The following VPS13D variants were observed in gnomAD, a reference collection of about 807,000 sequenced individuals.
VPS13D encodes intermembrane lipid transfer protein VPS13D.
In VPS13D, 187 loss-of-function variants were observed where a neutral mutation model predicts 461.9. The ratio of observed to expected loss-of-function variants is 0.40; its 90% CI spans 0.36 to 0.46. The LOEUF (loss-of-function observed/expected upper bound fraction) is 0.46, where lower values mean the gene tolerates loss of function less well. VPS13D is among the 20% of genes least tolerant of loss of function. The probability of loss-of-function intolerance (pLI) is 0.60; values close to 1 mark genes in which losing one functional copy is unlikely to be tolerated. For synonymous variants in VPS13D, 1,951 were observed against 1,986.3 expected (o/e 0.98, Z 0.47); for missense variants, 4,711 against 5,364.9 (o/e 0.88, Z 3.81).
intron 22 of VPS13D, 33 bp downstream of exon 22, chr1:12,288,346 G>A: frequency 6.3e-7 from 1 of 1,580,848 alleles, no homozygotes; most frequent in South Asian, 1.1e-5. Flanking sequence ...AAGCAAACTT[G>A]CAAAATCTGG....
Position 12,386,329 on chromosome 1 carries a change from G to A in VPS13D, c.11629G>A (p.Val3877Ile). ...SHMLELSIQD[V>I]QVDNQLIGTT... ...CATGCTTGAACTCAGCATACAGGAT[G>A]TACAGGTAAGGGGGAAGTTCCAAAG... Residue 3877 changes from valine (V) to isoleucine (I), a missense_variant, in exon 60 of 70, where the codon GTA (valine) becomes ATA (isoleucine). By Grantham distance (29) the Val-to-Ile change is conservative (BLOSUM62 3). Transcript: ENST00000620676. The A allele has an allele frequency of 3.1e-6, 5 of 1,603,732 alleles. No homozygotes were observed. The highest frequency in any genetic ancestry group is 3.4e-6 in the Non-Finnish European group (4 of 1,175,830).
Position 12,276,645 on chromosome 1 carries a change from G to A in VPS13D, c.3057G>A (p.Leu1019=), listed in dbSNP as rs771569156. Residue 1019 remains leucine, a synonymous_variant, in exon 19 of 70, where the codon TTG becomes TTA. Coordinates refer to ENST00000620676, the MANE Select transcript of VPS13D (RefSeq NM_015378.4). This position sits in a 1 kb window ranked among gnomAD's most constrained non-coding sequence, Gnocchi z 4.5. ...MQTYGADFDL[L]MASHKNLSFD... is the part of the protein sequence containing the mutation. ...CATATGGTGCTGATTTTGACCTTTT[G>A]ATGGCTTCACATAAGAACTTGAGCT... The A allele has an allele frequency of 8.1e-6, 13 of 1,614,044 alleles. No individual in the cohort carries two copies. In the East Asian group the frequency reaches 2.2e-4, roughly 28 times the overall value.
chr1:12,361,656 A>G (rs973313332), intron 50 of VPS13D, among the ~76,000 whole-genome samples: 22 of 151,966 alleles, frequency 1.4e-4, no homozygotes, highest in Non-Finnish European at 3.2e-4. Flanking sequence ...CGGCCTCCCA[A>G]AGTGCTGGGA....
At chr1:12,414,601 T>C (rs1644771855) in intron 63 of VPS13D, among the ~76,000 whole-genome samples, 1 of 152,082 alleles carries the variant, frequency 6.6e-6, no homozygotes, top group South Asian at 2.1e-4. Flanking sequence ...GTGGTTGTCT[T>C]TGGGGAGGAA....
At chr1:12,262,117 C>T in intron 13 of VPS13D, 37 bp downstream of exon 13, 1 of 1,581,050 alleles carries the variant, frequency 6.3e-7, no homozygotes, top group Non-Finnish European at 8.6e-7. Context: ...CCACTGTTGT[C>T]TCTCTGTGGG....
chr1:12,374,365 T>C (rs1644168495), intron 55 of VPS13D, among the ~76,000 whole-genome samples: 1 of 152,196 alleles, frequency 6.6e-6, no homozygotes, highest in Non-Finnish European at 1.5e-5. Flanking sequence ...GTTTGACATT[T>C]TAGGTTTTTG....
chr1:12,439,850 A>G (rs544869498), intron 65 of VPS13D, among the ~76,000 whole-genome samples: 5 of 152,358 alleles, frequency 3.3e-5, no homozygotes, highest in Admixed American at 1.3e-4. Context: ...CACGCAGCCA[A>G]TAAGTGAAAC....
chr1:12,382,336 A>G (rs1444526643), intron 57 of VPS13D, among the ~76,000 whole-genome samples: 1 of 152,152 alleles, frequency 6.6e-6, no homozygotes, highest in African/African-American at 2.4e-5. Context: ...TCCTGACCTC[A>G]GATGATTCGC....
At chr1:12,449,394 C>CT (rs747205619) in intron 65 of VPS13D, among the ~76,000 whole-genome samples, 1,651 of 144,088 alleles carry the variant, frequency 0.011, 30 homozygotes, top group African/African-American at 0.036. Context: ...TGTTCCGTGC[C>CT]TTTTTTTTTT....
chr1:12,488,863 A>T (rs1645839223), intron 67 of VPS13D, among the ~76,000 whole-genome samples: 1 of 152,178 alleles, frequency 6.6e-6, no homozygotes, highest in Non-Finnish European at 1.5e-5. Flanking sequence ...ATGGCTTGAG[A>T]GATTCCAATA....
At chr1:12,459,190 C>T (rs139828559) in intron 66 of VPS13D, among the ~76,000 whole-genome samples, 132 of 152,302 alleles carry the variant, frequency 8.7e-4, no homozygotes, top group African/African-American at 3.0e-3. Context: ...TCACGAAGTG[C>T]CAGAAAGCAA....
At chr1:12,230,684 CTT>C (rs1052243503) in intron 1 of VPS13D, among the ~76,000 whole-genome samples, 6 of 152,092 alleles carry the variant, frequency 3.9e-5, no homozygotes, top group Non-Finnish European at 7.4e-5. Flanking sequence ...TAAAACCTCT[CTT>C]TACCTTTTGC....
chr1:12,290,852 T>C, intron 22 of VPS13D, 146 bp from the exon 23 acceptor site: 1 of 624,116 alleles, frequency 1.6e-6, no homozygotes, highest in Non-Finnish European at 2.5e-6. Flanking sequence ...TTTTGGGGTA[T>C]ATTGGAATAT....
rs183510389 is a variant in VPS13D at position 12,398,071 on chromosome 1, T to C, written c.11635-2110T>C. 2.9e-3 allele frequency among the ~76,000 whole-genome samples: 442 copies of C among 152,328 alleles called. 2 individuals carry two copies. Among genetic ancestry groups the C allele is most frequent in the Non-Finnish European group, 4.6e-3 (316 of 68,026 alleles). ...CTGAATAGTGTAAAGGAAGGGTGTG[T>C]ATGACTCGATTTATAGTTTACTGAA... On this transcript the variant is annotated intron_variant, in intron 60 of 69. Transcript: ENST00000620676.
At chr1:12,262,119 C>CT (rs1255883202) in intron 13 of VPS13D, 39 bp downstream of exon 13, 5 of 1,572,948 alleles carry the variant, frequency 3.2e-6, no homozygotes, top group Admixed American at 1.8e-5. Flanking sequence ...ACTGTTGTCT[C>CT]TCTGTGGGCC....
intron 63 of VPS13D, among the ~76,000 whole-genome samples, 171 bp from the exon 64 acceptor site, chr1:12,414,916 C>T (rs956036841): frequency 3.3e-5 from 5 of 152,002 alleles, no homozygotes; most frequent in Admixed American, 2.6e-4. Context: ...TGTATTTTTC[C>T]CTAGTATTTT....
At chr1:12,481,077 CAGTT>C (rs1401021549) in intron 67 of VPS13D, among the ~76,000 whole-genome samples, 1 of 152,214 alleles carries the variant, frequency 6.6e-6, no homozygotes, top group African/African-American at 2.4e-5. Context: ...AACAAACCCT[CAGTT>C]GGAGGAAAGT....
At chr1:12,460,510 CA>C in intron 67 of VPS13D, 114 bp downstream of exon 67, 1 of 989,950 alleles carries the variant, frequency 1.0e-6, no homozygotes, top group Non-Finnish European at 1.3e-6. Context: ...GTTTTTAATT[CA>C]AATACTTGTA....
Position 12,268,782 on chromosome 1 carries a change from C to T in VPS13D, c.1878C>T (p.Leu626=), listed in dbSNP as rs1557675458. ...NPAHSHFERR[L]NVSTRPLNII... ...CGCACAGCCACTTTGAGAGGCGGCT[C>T]AATGTCAGCACAAGGCCCTTGAACA... Residue 626 remains leucine, a synonymous_variant, in exon 16 of 70, where the codon CTC becomes CTT. Coordinates refer to ENST00000620676, the MANE Select transcript of VPS13D (RefSeq NM_015378.4). 1.2e-6 allele frequency: 2 copies of T among 1,613,940 alleles called. No individual in the cohort carries two copies. The highest frequency in any genetic ancestry group is 8.5e-7 in the Non-Finnish European group (1 of 1,180,006).
Sources: allele counts gnomAD v4.1 joint callset (sites outside exome capture counted in the v4.1 genomes callset), GRCh38; gene constraint gnomAD v4.1.1; non-coding constraint Gnocchi (gnomAD v3.1); transcripts MANE v1.5; gene names NCBI Gene and HGNC (gene_info 2026-07-23, HGNC 2026-07-21).